Variants in SERPINB2 observed in about 807,000 individuals in gnomAD.
The protein encoded by SERPINB2 is serpin family B member 2.
In SERPINB2, 28 loss-of-function variants were observed where a neutral mutation model predicts 39.4. The ratio of observed to expected loss-of-function variants is 0.71; its 90% CI spans 0.53 to 0.97. SERPINB2 has a LOEUF of 0.97. Among genes scored for constraint, SERPINB2 ranks in the 50% least tolerant of loss-of-function variants. SERPINB2 has a pLI of 0.00. For missense variants in SERPINB2, 557 were observed against 505.3 expected (o/e 1.10, Z -0.98); for synonymous variants, 209 against 175.1 (o/e 1.19, Z -1.53).
rs370829756 is a variant in SERPINB2 at position 63,903,312 on chromosome 18, G to A, written c.*7G>A. 892 of 1,480,470 alleles carry A rather than the reference G, an allele frequency of 6.0e-4. 14 individuals are homozygous for A. The South Asian group carries it at 0.012, about 20-fold the overall frequency. 91.7% of individuals were successfully genotyped at this position (1,480,470 alleles called of 1,614,324 possible). On this transcript the variant is annotated 3_prime_UTR_variant, in exon 8 of 8. Coordinates refer to ENST00000299502, the MANE Select transcript of SERPINB2 (RefSeq NM_002575.3). ...CAGATTTTCCTCACCCTAAAACTAAGCGTGCTGCTTCTGCAAAAGATTTTT... is the reference window on the plus strand; with the variant it reads ...CAGATTTTCCTCACCCTAAAACTAAACGTGCTGCTTCTGCAAAAGATTTTT...
intron 2 of SERPINB2, among the ~76,000 whole-genome samples, chr18:63,893,417 C>T (rs9320031): frequency 1.3e-5 from 2 of 151,396 alleles, no homozygotes; most frequent in Non-Finnish European, 2.9e-5. Context: ...TGGGACTATG[C>T]GAGGATTCTA....
intron 1 of SERPINB2, chr18:63,890,502 G>A (rs977251638): frequency 2.2e-4 from 33 of 152,234 alleles, no homozygotes; most frequent in African/African-American, 6.8e-4. Flanking sequence ...CTGGAAAGAC[G>A]ATCATTGGTC....
At chr18:63,902,649 G>T in intron 7 of SERPINB2, 81 bp downstream of exon 7, 3 of 1,345,244 alleles carry the variant, frequency 2.2e-6, no homozygotes, top group Non-Finnish European at 2.0e-6. Context: ...CTTACAAATG[G>T]TGTGGTAATT....
At chr18:63,898,081 G>T (rs1206968962) in intron 5 of SERPINB2, among the ~76,000 whole-genome samples, 4 of 152,172 alleles carry the variant, frequency 2.6e-5, no homozygotes, top group African/African-American at 9.7e-5. Context: ...TTTGGATATT[G>T]CTTGAGGATA....
At chr18:63,895,134 T>C (rs940087800) in intron 2 of SERPINB2, 130 bp from the exon 3 acceptor site, 2 of 1,029,864 alleles carry the variant, frequency 1.9e-6, no homozygotes, top group Non-Finnish European at 1.4e-6. Context: ...TGAGTATCTA[T>C]GGTTGTTCCC....
In SERPINB2 at chr18:63,903,190, C is replaced by T. The variant is rs767152405; in HGVS notation, c.1133C>T (p.Thr378Ile). 2.4e-5 allele frequency: 39 copies of T among 1,613,616 alleles called. No homozygotes were observed. The highest frequency in any genetic ancestry group is 3.3e-5 in the Non-Finnish European group (39 of 1,179,710). The part of the protein sequence containing the change: ...EAAAGTGGVM[T>I]GRTGHGGPQF... ...GCCGCTGGCACAGGAGGTGTTATGA[C>T]AGGGAGAACTGGACATGGAGGCCCA... The change falls in exon 8 of 8, where the codon ACA becomes ATA. Residue 378 changes from threonine (T) to isoleucine (I), a missense_variant. Coordinates refer to ENST00000299502, the MANE Select transcript of SERPINB2 (RefSeq NM_002575.3).
In SERPINB2 at chr18:63,902,482, A is replaced by G. The variant is rs761669669; in HGVS notation, c.757A>G (p.Ile253Val). ...ATACATAGAAGACCTAAAGGCTCAGATTCTAGAACTCCCATATGCTGGAGA... is the reference window on the plus strand; with the variant it reads ...ATACATAGAAGACCTAAAGGCTCAGGTTCTAGAACTCCCATATGCTGGAGA... The part of the protein sequence containing the change: ...IGYIEDLKAQ[I>V]LELPYAGDVS... Residue 253 changes from isoleucine (I) to valine (V), a missense_variant, in exon 7 of 8, where the codon ATT becomes GTT. Physicochemically the swap from Ile to Val is conservative, Grantham distance 29. Transcript: ENST00000299502. 1 of 1,613,696 alleles carries G rather than the reference A, an allele frequency of 6.2e-7. No homozygotes were observed. Among genetic ancestry groups the G allele is most frequent in the South Asian group, 1.1e-5 (1 of 91,068 alleles).
intron 5 of SERPINB2, 127 bp from the exon 6 acceptor site, chr18:63,901,613 A>C (rs888657227): frequency 1.6e-6 from 1 of 630,730 alleles, no homozygotes; most frequent in Non-Finnish European, 2.4e-6. Context: ...AAACCTAAAA[A>C]ACTTTAGCTT....
At chr18:63,895,469 A>T in intron 3 of SERPINB2, 86 bp downstream of exon 3, 1 of 1,507,154 alleles carries the variant, frequency 6.6e-7, no homozygotes, top group Non-Finnish European at 9.2e-7. Flanking sequence ...ACTGGGAAGG[A>T]AGCGAATATA....
At chr18:63,897,258 C>CAAGT in intron 4 of SERPINB2, 39 bp downstream of exon 4, 1 of 1,595,124 alleles carries the variant, frequency 6.3e-7, no homozygotes, top group Non-Finnish European at 8.5e-7. Flanking sequence ...GGATCCCAAA[C>CAAGT]AAGTAATGAA....
Position 63,897,217 on chromosome 18 carries a change from G to T in SERPINB2, c.415G>T (p.Glu139Ter), listed in dbSNP as rs1239285410. 1 of 1,607,464 alleles carries T rather than the reference G, an allele frequency of 6.2e-7. No homozygotes were observed. ...TGGTGAGAAGTCTGCGAGCTTCCGG[G>T]AAGTAAGTGAAACCTGTAATTGAAA... Reference protein sequence around the residue: ...LFGEKSASFREEYIRLCQKYY... With the variant: ...LFGEKSASFR The change falls in exon 4 of 8, where the codon GAA (glutamate) becomes TAA (stop). Residue 139 changes from glutamate to a stop codon, truncating the protein, a stop_gained and splice_region_variant. Coordinates refer to ENST00000299502, the MANE Select transcript of SERPINB2 (RefSeq NM_002575.3). LOFTEE classifies it high-confidence loss of function.
At chr18:63,897,689 GT>G (rs1471718811) in intron 4 of SERPINB2, 37 bp from the exon 5 acceptor site, 1 of 1,292,034 alleles carries the variant, frequency 7.7e-7, no homozygotes. Context: ...TGTTTGGTAT[GT>G]ATTTTATGTA....
intron 2 of SERPINB2, among the ~76,000 whole-genome samples, chr18:63,892,378 T>C (rs1478367818): frequency 1.3e-5 from 2 of 152,216 alleles, no homozygotes; most frequent in Non-Finnish European, 2.9e-5. Flanking sequence ...CTTGAAATTA[T>C]GCCGGACTAC....
In SERPINB2 at chr18:63,893,862, C is replaced by T. The variant is rs529420592; in HGVS notation, c.169-1402C>T. ...ATTATGAGGTAGGTACGATGATTAC[C>T]GTACTCATTTTACAGATGAGGGAAT... On this transcript the variant is annotated intron_variant, in intron 2 of 7. Coordinates refer to ENST00000299502, the MANE Select transcript of SERPINB2 (RefSeq NM_002575.3). 2.6e-5 allele frequency among the ~76,000 whole-genome samples: 4 copies of T among 152,184 alleles called. No homozygotes were observed. The South Asian group carries it at 6.2e-4, about 24-fold the overall frequency.
chr18:63,901,874 G>A lies in SERPINB2; in HGVS notation c.670G>A (p.Val224Ile), dbSNP rs764115765. 2.5e-5 allele frequency: 40 copies of A among 1,597,844 alleles called. No homozygotes were observed. The Admixed American group carries it at 6.5e-4, about 26-fold the overall frequency. The change falls in exon 6 of 8, where the codon GTA (valine) becomes ATA (isoleucine). Residue 224 changes from valine (V) to isoleucine (I), a missense_variant. Val to Ile is a conservative substitution (Grantham distance 29). Transcript: ENST00000299502. ...KKLNGLYPFR[V>I]NSAQRTPVQM... ...ACTAAATGGGCTTTATCCTTTCCGT[G>A]TAAACTCGGTATGAGACAACAAAAT...
In SERPINB2 at chr18:63,897,697, T is replaced by C. The variant is rs768251879; in HGVS notation, c.418-30T>C. On this transcript the variant is annotated intron_variant, in intron 4 of 7. Transcript: ENST00000299502. ...CATGGCTTGTTTGGTATGTATTTTATGTAGCCTTTGTCATTTTCTTGCTTT... is the reference window on the plus strand; with the variant it reads ...CATGGCTTGTTTGGTATGTATTTTACGTAGCCTTTGTCATTTTCTTGCTTT... 2.3e-5 allele frequency: 31 copies of C among 1,374,878 alleles called. No homozygotes were observed. The South Asian group carries it at 3.0e-4, about 13-fold the overall frequency. The allele number at this position is 1,374,878 out of a possible 1,614,324, so 85.2% of individuals were successfully genotyped here.
At position 63,903,777 on chromosome 18, in the gene SERPINB2, A is replaced by T. The variant is rs2050009847; in HGVS notation, c.*472A>T. ...TAAATATCTGGAAAAAACATTAAACAATAGGCAAATATATGTTATGTGCAT... is the reference window on the plus strand; with the variant it reads ...TAAATATCTGGAAAAAACATTAAACTATAGGCAAATATATGTTATGTGCAT... On this transcript the variant is annotated 3_prime_UTR_variant, in exon 8 of 8. Transcript: ENST00000299502. The T allele has an allele frequency of 1.3e-5, 2 of 152,414 alleles. No individual in the cohort carries two copies. Among genetic ancestry groups the T allele is most frequent in the African/African-American group, 4.8e-5 (2 of 41,586 alleles). The allele number at this position is 152,414 out of a possible 1,614,324, so 9.4% of individuals were successfully genotyped here.
chr18:63,888,873 C>G (rs2049908497), intron 1 of SERPINB2, among the ~76,000 whole-genome samples: 2 of 152,168 alleles, frequency 1.3e-5, no homozygotes, highest in African/African-American at 4.8e-5. Context: ...TATACCTGTT[C>G]CAGGAGGCTG....
intron 2 of SERPINB2, 59 bp from the exon 3 acceptor site, chr18:63,895,205 T>C: frequency 6.2e-7 from 1 of 1,600,084 alleles, no homozygotes; most frequent in Non-Finnish European, 8.5e-7. Flanking sequence ...AGCCATCTGT[T>C]TTAAAAGTTC....
Sources: gnomAD v4.1 joint callset for allele counts (sites outside exome capture counted in the v4.1 genomes callset) on GRCh38, gnomAD v4.1.1 for gene constraint, MANE v1.5 for transcripts, NCBI Gene and HGNC (gene_info 2026-07-23, HGNC 2026-07-21) for gene names.